The following OPTN variants were observed in gnomAD, a reference collection of about 807,000 sequenced individuals.
OPTN encodes the protein optineurin, also known as E3-14.7K-interacting protein.
OPTN carries 54 observed loss-of-function variants against 70.4 expected under a neutral mutation model. That is an observed-to-expected ratio of 0.77 (90% CI 0.62 to 0.96). OPTN has a LOEUF of 0.96. Ranked by LOEUF, OPTN falls within the 40% of genes least tolerant of loss-of-function variation. The pLI is 0.00. For missense variants in OPTN, 624 were observed against 673.2 expected (o/e 0.93, Z 0.81); for synonymous variants, 256 against 248.5 (o/e 1.03, Z -0.28).
chr10:13,133,637 C>A, intron 14 of OPTN, 56 bp downstream of exon 14: 1 of 1,509,914 alleles, frequency 6.6e-7, no homozygotes, highest in Non-Finnish European at 9.2e-7. Flanking sequence ...GAAAAAGATG[C>A]TTGAAGAAAA....
At chr10:13,107,003 C>A (rs745898799) in intron 1 of OPTN, among the ~76,000 whole-genome samples, 3 of 152,156 alleles carry the variant, frequency 2.0e-5, no homozygotes, top group Non-Finnish European at 4.4e-5. Flanking sequence ...TTTGTGCATG[C>A]GTGGCTTTCT....
intron 13 of OPTN, 91 bp downstream of exon 13, chr10:13,132,288 A>AGAATAGCTG: frequency 6.7e-7 from 1 of 1,490,400 alleles, no homozygotes; most frequent in Admixed American, 1.7e-5. Flanking sequence ...TTGAACTATA[A>AGAATAGCTG]GAATAGCTGT....
Position 13,109,232 on chromosome 10 carries a change from C to G in OPTN, c.110C>G (p.Pro37Arg). 1 of 1,613,982 alleles carries G rather than the reference C, an allele frequency of 6.2e-7. No individual in the cohort carries two copies. The highest frequency in any genetic ancestry group is 8.5e-7 in the Non-Finnish European group (1 of 1,179,962). The change falls in exon 3 of 15, where the codon CCG (proline) becomes CGG (arginine). Residue 37 changes from proline to arginine, a missense_variant. Transcript: ENST00000378747. ...LAHPNLDTFT[P>R]EELLQQMKEL... ...CACCCAAACCTGGACACGTTTACCC[C>G]GGAGGAGCTGCTGCAGCAGATGAAA...
chr10:13,112,300 G>C (rs1162325801), intron 4 of OPTN, among the ~76,000 whole-genome samples, 153 bp from the exon 5 acceptor site: 1 of 150,440 alleles, frequency 6.6e-6, no homozygotes, highest in Admixed American at 6.6e-5. Flanking sequence ...TAAAGATGGG[G>C]GTCTTGCTAT....
intron 11 of OPTN, 21 bp from the exon 12 acceptor site, chr10:13,127,724 G>A (rs767122667): frequency 6.2e-7 from 1 of 1,612,510 alleles, no homozygotes; most frequent in South Asian, 1.1e-5. Context: ...ACCATTTCTA[G>A]AATAAATGTT....
intron 14 of OPTN, 134 bp from the exon 15 acceptor site, chr10:13,136,611 C>A: frequency 1.1e-6 from 1 of 950,430 alleles, no homozygotes; most frequent in South Asian, 1.4e-5. Flanking sequence ...AAAGACCAAA[C>A]ACCTGTGCTC....
At chr10:13,125,906 T>C in intron 10 of OPTN, 40 bp from the exon 11 acceptor site, 1 of 1,430,098 alleles carries the variant, frequency 7.0e-7, no homozygotes, top group Non-Finnish European at 9.9e-7. Flanking sequence ...TTCTATGATA[T>C]TTTCCCCAGG....
intron 6 of OPTN, 76 bp downstream of exon 6, chr10:13,116,416 C>G (rs1469170577): frequency 3.1e-6 from 3 of 980,114 alleles, no homozygotes; most frequent in East Asian, 4.8e-5. Flanking sequence ...CACCGGAGGT[C>G]AAATGTTGTG....
In OPTN at chr10:13,132,155, C is replaced by G. The variant is rs956159636; in HGVS notation, c.1490C>G (p.Ala497Gly). ...EEKEQLALQL[A>G]VLLKENDAFE... ...AAGGAGCAACTGGCATTGCAGCTGG[C>G]AGTTCTGCTGAAAGAGAATGATGCT... Residue 497 changes from alanine (A) to glycine (G), a missense_variant, in exon 13 of 15, where the codon GCA becomes GGA. Ala to Gly is a moderately conservative substitution (Grantham distance 60, BLOSUM62 0). Coordinates refer to ENST00000378747, the MANE Select transcript of OPTN (RefSeq NM_001008212.2). The G allele has an allele frequency of 4.3e-6, 7 of 1,613,300 alleles. No homozygotes were observed. In the African/African-American group the frequency reaches 5.3e-5, roughly 12 times the overall value.
chr10:13,119,340 T>C (rs1460041926), intron 7 of OPTN, among the ~76,000 whole-genome samples: 5 of 152,246 alleles, frequency 3.3e-5, no homozygotes, highest in Non-Finnish European at 5.9e-5. Context: ...TTCTTTCACG[T>C]AGCATAATGT....
chr10:13,121,810 C>G (rs1488765851), intron 7 of OPTN, among the ~76,000 whole-genome samples: 2 of 152,120 alleles, frequency 1.3e-5, no homozygotes, highest in African/African-American at 4.8e-5. Context: ...AGGCACATGG[C>G]TTTTTGAAGG....
chr10:13,135,309 C>T (rs7910995), intron 14 of OPTN, among the ~76,000 whole-genome samples: 1,796 of 152,160 alleles, frequency 0.012, 43 homozygotes, highest in African/African-American at 0.041. Flanking sequence ...GGGCTTATTT[C>T]GAACATGCTC....
chr10:13,114,851 T>G (rs11258201), intron 5 of OPTN, among the ~76,000 whole-genome samples: 62,615 of 75,886 alleles, frequency 0.83, 27,020 homozygotes, highest in Middle Eastern at 0.9. Flanking sequence ...TATAATTGTA[T>G]AATATATTCT....
In OPTN at chr10:13,109,198, C is replaced by A. The variant is rs200710076; in HGVS notation, c.76C>A (p.His26Asn). The change falls in exon 3 of 15, where the codon CAC (histidine) becomes AAC (asparagine). Residue 26 changes from histidine (H) to asparagine (N), a missense_variant. Transcript: ENST00000378747. ...PSESTGNGPP[H>N]LAHPNLDTFT... The stretch of plus-strand genomic sequence containing the variant: ...TGAAAGCACAGGAAATGGACCCCCC[C>A]ACCTGGCCCACCCAAACCTGGACAC... 2.0e-5 allele frequency: 32 copies of A among 1,613,994 alleles called. No individual in the cohort carries two copies. The highest frequency in any genetic ancestry group is 1.3e-4 in the African/African-American group (10 of 75,016).
At chr10:13,117,041 A>G in intron 6 of OPTN, among the ~76,000 whole-genome samples, 1 of 150,422 alleles carries the variant, frequency 6.6e-6, no homozygotes, top group Non-Finnish European at 1.5e-5. Flanking sequence ...GTAATCATCT[A>G]TTCAAGAGAC....
chr10:13,135,809 C>A (rs1458356712), intron 14 of OPTN, among the ~76,000 whole-genome samples: 1 of 152,176 alleles, frequency 6.6e-6, no homozygotes, highest in Non-Finnish European at 1.5e-5. Flanking sequence ...TTTCTTCTCG[C>A]AGATATCCTA....
intron 5 of OPTN, among the ~76,000 whole-genome samples, chr10:13,115,505 AAT>A (rs1205344327): frequency 9.3e-3 from 504 of 54,354 alleles, no homozygotes; most frequent in Non-Finnish European, 0.013. Context: ...TATAATATAG[AAT>A]ATATATAATA....
At chr10:13,135,998 G>A (rs1156694693) in intron 14 of OPTN, among the ~76,000 whole-genome samples, 1 of 152,070 alleles carries the variant, frequency 6.6e-6, no homozygotes, top group African/African-American at 2.4e-5. Flanking sequence ...ACCAGCCTGG[G>A]CAACATAGTG....
intron 4 of OPTN, among the ~76,000 whole-genome samples, chr10:13,112,141 G>C (rs11258196): frequency 4.8e-5 from 7 of 147,208 alleles, no homozygotes; most frequent in South Asian, 4.3e-4. Flanking sequence ...GAGCCACCAC[G>C]CCTGGCTTGG....
Sources: allele counts gnomAD v4.1 joint callset (sites outside exome capture counted in the v4.1 genomes callset), GRCh38; gene constraint gnomAD v4.1.1; transcripts MANE v1.5; gene names NCBI Gene and HGNC (gene_info 2026-07-23, HGNC 2026-07-21).